TSC2: variants seen among roughly 807,000 people sequenced by gnomAD.
The protein encoded by TSC2 is tuberin.
TSC2 carries 29 observed loss-of-function variants against 202.2 expected under a neutral mutation model. The ratio of observed to expected loss-of-function variants is 0.14; its 90% confidence interval spans 0.11 to 0.20. The LOEUF (loss-of-function observed/expected upper bound fraction) is 0.20. Ranked by LOEUF, TSC2 falls within the 10% of genes least tolerant of loss-of-function variation. The pLI is 1.00. For synonymous variants in TSC2, 1,349 were observed against 1,044.0 expected, an observed-to-expected ratio of 1.29 and a Z score of -5.63; for missense variants, 2,429 against 2,420.0, an observed-to-expected ratio of 1.00 and a Z score of -0.08.
At chr16:2,059,105 G>A (rs1459742454) in intron 10 of TSC2, among the ~76,000 whole-genome samples, 5 of 148,830 alleles carry the variant, frequency 3.4e-5, no homozygotes, top group Admixed American at 6.8e-5. Context: ...TGCAATCTCC[G>A]CCTCCCGGAT....
intron 10 of TSC2, among the ~76,000 whole-genome samples, chr16:2,059,669 G>C (rs1392922557): frequency 3.9e-5 from 6 of 152,086 alleles, no homozygotes. Context: ...ATAGGCATGG[G>C]CCACTACACA....
At position 2,048,584 on chromosome 16, in the gene TSC2, C is replaced by T. The variant is rs577207925; in HGVS notation, c.-29-3C>T. ...TGTCCCCATTCCTGTTTCGTTTGCA[C>T]AGAGGGGTTTTCTGGTGCGTCCTGG... On this transcript the variant is annotated splice_polypyrimidine_tract_variant and splice_region_variant and intron_variant, in intron 1 of 41. Transcript: ENST00000219476. The T allele has an allele frequency of 2.5e-6, 4 of 1,613,498 alleles. No homozygotes were observed. The East Asian group carries it at 6.7e-5, about 27-fold the overall frequency.
intron 16 of TSC2, chr16:2,068,727 G>C (rs1049518784): frequency 6.6e-6 from 1 of 152,050 alleles, no homozygotes; most frequent in African/African-American, 2.4e-5. Context: ...ACAAAAATTA[G>C]CTGGATGCGG....
chr16:2,088,722 C>CTCTT lies in TSC2; in HGVS notation c.*114_*117dup. The stretch of plus-strand genomic sequence containing the variant: ...AGAGGCACAGATTGCAGTCAGACAG[C>CTCTT]TCTTTTATTGACTTTGTCTGCTTGG... On this transcript the variant is annotated 3_prime_UTR_variant, in exon 42 of 42. Coordinates refer to ENST00000219476, the MANE Select transcript of TSC2 (RefSeq NM_000548.5). The CTCTT allele has an allele frequency of 1.4e-6, 2 of 1,400,306 alleles. No individual in the cohort carries two copies. The highest frequency in any genetic ancestry group is 1.9e-6 in the Non-Finnish European group (2 of 1,035,822). 86.7% of individuals were successfully genotyped at this position (1,400,306 alleles called of 1,614,324 possible).
chr16:2,051,387 A>T lies in TSC2; in HGVS notation c.225+901A>T, dbSNP rs535009373. ...GCATGCTCACTCGCTCTCTCCTGTTACAAGTTCAGGCCAAGAAAAATCAAG... is the reference window on the plus strand; with the variant it reads ...GCATGCTCACTCGCTCTCTCCTGTTTCAAGTTCAGGCCAAGAAAAATCAAG... On this transcript the variant is annotated intron_variant, in intron 3 of 41. Coordinates refer to ENST00000219476, the MANE Select transcript of TSC2 (RefSeq NM_000548.5). Among the ~76,000 whole-genome samples the T allele has an allele frequency of 7.9e-5, 12 of 152,070 alleles. 1 individual carries two copies. The South Asian group carries it at 2.3e-3, about 29-fold the overall frequency.
At position 2,079,176 on chromosome 16, in the gene TSC2, C is replaced by T. The variant is rs1222753588; in HGVS notation, c.3111C>T (p.Asn1037=). The T allele has an allele frequency of 6.2e-7, 1 of 1,612,978 alleles. No individual in the cohort carries two copies. Among genetic ancestry groups the T allele is most frequent in the Non-Finnish European group, 8.5e-7 (1 of 1,180,028 alleles). ...TGATGGCTCGATACGTCTTCTCCAA[C>T]TTCACGGCTGTCCCGAAGAGGTCCA... ...LDMMARYVFS[N]FTAVPKRSPV... is the part of the protein sequence containing the mutation. The change falls in exon 27 of 42, where the codon AAC becomes AAT. Residue 1037 remains asparagine (N), a synonymous_variant. Coordinates refer to ENST00000219476, the MANE Select transcript of TSC2 (RefSeq NM_000548.5). This position sits in a 1 kb window ranked among gnomAD's most constrained non-coding sequence, Gnocchi z 4.6.
Position 2,084,324 on chromosome 16 carries a change from G to A in TSC2, c.4102G>A (p.Gly1368Ser), listed in dbSNP as rs1596415966. The A allele has an allele frequency of 6.2e-7, 1 of 1,612,768 alleles. No individual in the cohort carries two copies. Among genetic ancestry groups the A allele is most frequent in the Non-Finnish European group, 8.5e-7 (1 of 1,179,972 alleles). ...PIERVVSSEG[G>S]RPSVDLSFQP... ...CGAGCGAGTCGTCTCCTCGGAGGGT[G>A]GCCGGCCCTCTGTGGACCTCTCCTT... Residue 1368 changes from glycine (G) to serine (S), a missense_variant, in exon 34 of 42, where the codon GGC (glycine) becomes AGC (serine). By Grantham distance (56) the Gly-to-Ser change is moderately conservative. Coordinates refer to ENST00000219476, the MANE Select transcript of TSC2 (RefSeq NM_000548.5).
At chr16:2,084,807 G>T in intron 34 of TSC2, 92 bp downstream of exon 34, 2 of 1,598,176 alleles carry the variant, frequency 1.3e-6, no homozygotes, top group Admixed American at 1.7e-5. Flanking sequence ...CTGGGGTGGG[G>T]TCCTCGCCTG....
intron 9 of TSC2, among the ~76,000 whole-genome samples, chr16:2,058,090 T>C (rs1346852754): frequency 6.8e-6 from 1 of 147,010 alleles, no homozygotes; most frequent in African/African-American, 2.5e-5. Flanking sequence ...GGCCCAGCCC[T>C]GCCTCAGCCC....
chr16:2,048,809 G>A, intron 2 of TSC2, 56 bp downstream of exon 2: 1 of 1,612,382 alleles, frequency 6.2e-7, no homozygotes, highest in East Asian at 2.2e-5. Context: ...AGAAGGCTGG[G>A]TTTGGTCTTG....
intron 2 of TSC2, 93 bp downstream of exon 2, chr16:2,048,846 C>T: frequency 6.4e-7 from 1 of 1,564,024 alleles, no homozygotes. Flanking sequence ...AGACGGGTTG[C>T]TGGCAACTGT....
chr16:2,076,982 C>G (rs1461301896), intron 25 of TSC2, among the ~76,000 whole-genome samples: 6 of 152,224 alleles, frequency 3.9e-5, no homozygotes, highest in African/African-American at 1.4e-4. Context: ...CCTCTGTGTT[C>G]TTGTTTGCAT....
rs775919951 is a variant in TSC2, at chr16:2,084,984, C to A, written c.4527C>A (p.Phe1509Leu). ...FVFLQLYHSP[F>L]FGDESNKPIL... ...TCCTGCAGCTCTACCATTCCCCCTTCTTTGGCGACGAGTCAAACAAGCCAA... is the reference window on the plus strand; with the variant it reads ...TCCTGCAGCTCTACCATTCCCCCTTATTTGGCGACGAGTCAAACAAGCCAA... The change falls in exon 35 of 42, where the codon TTC becomes TTA. Residue 1509 changes from phenylalanine to leucine, a missense_variant. Physicochemically the swap from Phe to Leu is conservative, Grantham distance 22. Coordinates refer to ENST00000219476, the MANE Select transcript of TSC2 (RefSeq NM_000548.5). The A allele has an allele frequency of 6.2e-7, 1 of 1,612,134 alleles. No individual in the cohort carries two copies. The highest frequency in any genetic ancestry group is 8.5e-7 in the Non-Finnish European group (1 of 1,179,380).
chr16:2,056,728 C>T lies in TSC2; in HGVS notation c.733C>T (p.Arg245Cys), dbSNP rs375574283. ...SLPLFIVTLC[R>C]TINVKELCEP... ...CCCGCTGTTCATCGTTACCCTCTGT[C>T]GCACCATCAACGTCAAGGAGCTCTG... is the stretch of plus-strand genomic sequence containing the variant. Residue 245 changes from arginine to cysteine, a missense_variant, in exon 8 of 42, where the codon CGC (arginine) becomes TGC (cysteine). Transcript: ENST00000219476. 18 of 1,611,922 alleles carry T rather than the reference C, an allele frequency of 1.1e-5. No homozygotes were observed. Among genetic ancestry groups the T allele is most frequent in the Admixed American group, 3.3e-5 (2 of 60,002 alleles).
chr16:2,048,286 C>A, intron 1 of TSC2: 3 of 1,136,134 alleles, frequency 2.6e-6, no homozygotes, highest in Non-Finnish European at 2.6e-6. Context: ...AGAGGAGAGA[C>A]GGCAAACGTC....
intron 8 of TSC2, 100 bp from the exon 9 acceptor site, chr16:2,057,004 TG>T: frequency 6.7e-7 from 1 of 1,481,924 alleles, no homozygotes; most frequent in Non-Finnish European, 9.2e-7. Context: ...GGCCGGACCT[TG>T]GGTGGCTATA....
At chr16:2,055,870 GAAAGAGCAAAACTCCATCTCAAAAAAA>G (rs2085739250) in intron 6 of TSC2, 1 of 398,394 alleles carries the variant, frequency 2.5e-6, no homozygotes, top group Non-Finnish European at 4.5e-6. Context: ...CAGCCTGGGT[GAAAGAGCAAAACTCCATCTCAAAAAAA>G]AAAAAAAAAA....
In TSC2 at chr16:2,076,090, C is replaced by G. The variant is rs765057258; in HGVS notation, c.2662C>G (p.Leu888Val). The G allele has an allele frequency of 6.2e-7, 1 of 1,614,016 alleles. No homozygotes were observed. The highest frequency in any genetic ancestry group is 8.5e-7 in the Non-Finnish European group (1 of 1,180,046). The change falls in exon 24 of 42, where the codon CTG becomes GTG. Residue 888 changes from leucine to valine, a missense_variant. Transcript: ENST00000219476. ...CAGGTTTAATCAGTACATCGTGTGT[C>G]TGGCCCATCACGTCATAGCCATGTG... The part of the protein sequence containing the change: ...PSKFNQYIVC[L>V]AHHVIAMWFI...
rs1233661099 is a variant in TSC2, at chr16:2,081,771, C to T, written c.3787C>T (p.Pro1263Ser). 10 of 1,612,540 alleles carry T rather than the reference C, an allele frequency of 6.2e-6. No individual in the cohort carries two copies. The highest frequency in any genetic ancestry group is 1.3e-5 in the African/African-American group (1 of 74,930). Residue 1263 changes from proline to serine, a missense_variant, in exon 31 of 42, where the codon CCC becomes TCC. Physicochemically the swap from Pro to Ser is moderately conservative, Grantham distance 74 (BLOSUM62 -1). Transcript: ENST00000219476. ...GGTGCCGGCAGCCAGCACGGCCAAA[C>T]CCCCTCCTCTGCCTCGCTCCAACAC... ...LSVPAASTAK[P>S]PPLPRSNTVA...
Sources: allele counts gnomAD v4.1 joint callset (sites outside exome capture counted in the v4.1 genomes callset), GRCh38; gene constraint gnomAD v4.1.1; non-coding constraint Gnocchi (gnomAD v3.1); transcripts MANE v1.5; gene names NCBI Gene and HGNC (gene_info 2026-07-23, HGNC 2026-07-21).